The following TBCK variants were observed in gnomAD, a reference collection of about 807,000 sequenced individuals.
TBCK encodes the protein TBC1 domain containing kinase.
TBCK carries 99 observed loss-of-function variants against 113.4 expected under a neutral mutation model. The ratio of observed to expected loss-of-function variants is 0.87; its 90% CI spans 0.74 to 1.03. The LOEUF is 1.03. Among genes scored for constraint, TBCK ranks in the 50% least tolerant of loss-of-function variants. TBCK has a pLI of 0.00. For synonymous variants in TBCK, 369 were observed against 370.8 expected (o/e 1.00, Z 0.05); for missense variants, 1,045 against 1,061.3 (o/e 0.98, Z 0.21).
chr4:106,160,845 C>T (rs1749688571), intron 23 of TBCK, among the ~76,000 whole-genome samples: 1 of 151,828 alleles, frequency 6.6e-6, no homozygotes, highest in African/African-American at 2.4e-5. Context: ...TTTACAATCG[C>T]TAAAATGTGG....
At chr4:106,275,909 A>C (rs1298560521) in intron 3 of TBCK, among the ~76,000 whole-genome samples, 1 of 152,146 alleles carries the variant, frequency 6.6e-6, no homozygotes, top group African/African-American at 2.4e-5. Flanking sequence ...AGAAATTGAG[A>C]AACTTACTAT....
chr4:106,313,324 G>C (rs1202181100), intron 1 of TBCK, among the ~76,000 whole-genome samples: 1 of 151,718 alleles, frequency 6.6e-6, no homozygotes, highest in Non-Finnish European at 1.5e-5. Flanking sequence ...GATCACGTGA[G>C]GTCAGGAGTT....
At chr4:106,092,091 G>A (rs1740327881) in intron 25 of TBCK, among the ~76,000 whole-genome samples, 1 of 152,158 alleles carries the variant, frequency 6.6e-6, no homozygotes. Context: ...TAGATACAGA[G>A]TGCCGATTGG....
At position 106,166,581 on chromosome 4, in the gene TBCK, C is replaced by A. The variant is rs1750394657; in HGVS notation, c.2235+4514G>T. On this transcript the variant is annotated intron_variant, in intron 23 of 25. Transcript: ENST00000394708. ...TGTCAGCCAGGTAGTGACCACAGTA[C>A]CCAATAGGTAATATAATCTTAAGAC... 2.6e-5 allele frequency among the ~76,000 whole-genome samples: 4 copies of A among 151,524 alleles called. No individual in the cohort carries two copies. The South Asian group carries it at 8.3e-4, about 31-fold the overall frequency.
intron 2 of TBCK, among the ~76,000 whole-genome samples, chr4:106,302,476 G>GT (rs1200672111): frequency 1.3e-5 from 2 of 152,198 alleles, no homozygotes; most frequent in Non-Finnish European, 2.9e-5. Flanking sequence ...GCCCGTTTAG[G>GT]TAGAGGAAGG....
At chr4:106,100,239 T>A (rs2149528032) in intron 24 of TBCK, among the ~76,000 whole-genome samples, 1 of 152,270 alleles carries the variant, frequency 6.6e-6, no homozygotes, top group South Asian at 2.1e-4. Context: ...TCTTTGAATC[T>A]CTTGCAAGGA....
chr4:106,271,429 A>G (rs1763468020), intron 3 of TBCK, among the ~76,000 whole-genome samples: 1 of 152,178 alleles, frequency 6.6e-6, no homozygotes, highest in Non-Finnish European at 1.5e-5. Flanking sequence ...ACCAGAATCT[A>G]TAAGATGGTA....
intron 3 of TBCK, among the ~76,000 whole-genome samples, chr4:106,268,242 C>T (rs761877990): frequency 6.6e-6 from 1 of 152,008 alleles, no homozygotes; most frequent in African/African-American, 2.4e-5. Flanking sequence ...TTCAATGGCT[C>T]TCCCTTGTGG....
rs780354149 is a variant in TBCK, at chr4:106,262,204, G to A, written c.275C>T (p.Thr92Met). Residue 92 changes from threonine (T) to methionine (M), a missense_variant, in exon 4 of 26, where the codon ACG (threonine) becomes ATG (methionine). Thr to Met is a moderately conservative substitution (Grantham distance 81). Transcript: ENST00000394708. ...LRERKPVSCS[T>M]VLCIAFEVLQ... ...AACCTCAAATGCTATACACAAAACCGTTGAACAGCTACAAAGAAAACAAAA... is the reference window on the plus strand; with the variant it reads ...AACCTCAAATGCTATACACAAAACCATTGAACAGCTACAAAGAAAACAAAA... 2.6e-6 allele frequency: 4 copies of A among 1,534,616 alleles called. No individual in the cohort carries two copies. Among genetic ancestry groups the A allele is most frequent in the East Asian group, 2.5e-5 (1 of 40,558 alleles).
chr4:106,274,237 T>C (rs998483224), intron 3 of TBCK, among the ~76,000 whole-genome samples: 1 of 152,188 alleles, frequency 6.6e-6, no homozygotes, highest in African/African-American at 2.4e-5. Context: ...AATGGAACCT[T>C]TGTGCATTGC....
chr4:106,183,238 T>C (rs764387356), intron 22 of TBCK, among the ~76,000 whole-genome samples: 3 of 152,058 alleles, frequency 2.0e-5, no homozygotes, highest in Non-Finnish European at 4.4e-5. Context: ...AAAATATAGA[T>C]AGGATCATGT....
rs150569483 is a variant in TBCK, at chr4:106,068,744, A to C, written c.2572-22064T>G. 5.0e-3 allele frequency among the ~76,000 whole-genome samples: 762 copies of C among 152,226 alleles called. 4 individuals carry two copies. Among genetic ancestry groups the C allele is most frequent in the African/African-American group, 0.018 (733 of 41,540 alleles). On this transcript the variant is annotated intron_variant, in intron 25 of 25. Transcript: ENST00000394708. ...GCCACACTGTCTTCCACAATGGTTGAACTAGTTTACACCCCCAACAGTGTA... is the reference window on the plus strand; with the variant it reads ...GCCACACTGTCTTCCACAATGGTTGCACTAGTTTACACCCCCAACAGTGTA...
chr4:106,153,032 G>C (rs185897444), intron 23 of TBCK, among the ~76,000 whole-genome samples: 1 of 151,792 alleles, frequency 6.6e-6, no homozygotes, highest in Admixed American at 6.6e-5. Flanking sequence ...TTGTTTCATT[G>C]ATCTTCTGTA....
rs564786414 is a variant in TBCK, at chr4:106,249,483, G to C, written c.659-501C>G. On this transcript the variant is annotated intron_variant, in intron 7 of 25. Transcript: ENST00000394708. ...TGGAACTTGAGTACACATGGATTTT[G>C]GTACATGTGAGGGTGCTAGAACCAA... Among the ~76,000 whole-genome samples, 4 of 152,214 alleles carry C rather than the reference G, an allele frequency of 2.6e-5. No individual in the cohort carries two copies. In the East Asian group the frequency reaches 7.7e-4, roughly 29 times the overall value.
chr4:106,242,297 T>A, intron 12 of TBCK, among the ~76,000 whole-genome samples, 173 bp downstream of exon 12: 1 of 151,964 alleles, frequency 6.6e-6, no homozygotes, highest in Middle Eastern at 3.2e-3. Flanking sequence ...TTGTGAACAA[T>A]CAGGTAATAA....
chr4:106,251,153 T>C lies in TBCK; in HGVS notation c.598-675A>G, dbSNP rs370548977. ...CCACCATCAAATAGTTATATAAATTTGGCAAACTACTTAATACCACCTGAA... is the reference window on the plus strand; with the variant it reads ...CCACCATCAAATAGTTATATAAATTCGGCAAACTACTTAATACCACCTGAA... On this transcript the variant is annotated intron_variant, in intron 6 of 25. Coordinates refer to ENST00000394708, the MANE Select transcript of TBCK (RefSeq NM_001163435.3). 9 of 394,870 alleles carry C rather than the reference T, an allele frequency of 2.3e-5. No individual in the cohort carries two copies. The East Asian group carries it at 2.6e-4, about 11-fold the overall frequency. 24.5% of individuals were successfully genotyped at this position (394,870 alleles called of 1,614,324 possible).
intron 1 of TBCK, among the ~76,000 whole-genome samples, chr4:106,313,541 G>A (rs1272504009): frequency 6.6e-6 from 1 of 152,194 alleles, no homozygotes; most frequent in Non-Finnish European, 1.5e-5. Context: ...TTGTGAGCAA[G>A]TTTCCTTAGG....
At chr4:106,257,877 T>A (rs78279936) in intron 5 of TBCK, among the ~76,000 whole-genome samples, 9,709 of 152,072 alleles carry the variant, frequency 0.064, 365 homozygotes, top group Non-Finnish European at 0.082. Flanking sequence ...AAATAAAAAA[T>A]TTAATACAAA....
At chr4:106,298,967 C>CAA (rs1766628107) in intron 2 of TBCK, among the ~76,000 whole-genome samples, 9 of 152,116 alleles carry the variant, frequency 5.9e-5, no homozygotes, top group Admixed American at 2.6e-4. Context: ...AACATATCCC[C>CAA]TGAGGAAAAG....
Sources: allele counts gnomAD v4.1 joint callset (sites outside exome capture counted in the v4.1 genomes callset), GRCh38; gene constraint gnomAD v4.1.1; transcripts MANE v1.5; gene names NCBI Gene and HGNC (gene_info 2026-07-23, HGNC 2026-07-21).